Variants in BRI3BP observed in about 807,000 individuals in gnomAD.
BRI3BP encodes BRI3 binding protein, also known as BRI3-binding protein.
In BRI3BP, 7 loss-of-function variants were observed where a neutral mutation model predicts 15.8. The ratio of observed to expected loss-of-function variants is 0.44; its 90% CI spans 0.25 to 0.83. The LOEUF (loss-of-function observed/expected upper bound fraction) is 0.83, where lower values mean the gene tolerates loss of function less well. Among genes scored for constraint, BRI3BP ranks in the 40% least tolerant of loss-of-function variants. The pLI is 0.20. For missense variants in BRI3BP, 320 were observed against 339.3 expected, an observed-to-expected ratio of 0.94 and a Z score of 0.45; for synonymous variants, 192 against 163.5, an observed-to-expected ratio of 1.17 and a Z score of -1.33.
chr12:125,033,760 TG>T (rs1181206779), downstream of BRI3BP, among the ~76,000 whole-genome samples: 30 of 144,594 alleles, frequency 2.1e-4, 1 homozygote, highest in African/African-American at 7.8e-4. Flanking sequence ...TTTTTTTTTT[TG>T]AAACAGAGTC....
intron 1 of BRI3BP, among the ~76,000 whole-genome samples, chr12:125,009,037 G>T (rs1029955885): frequency 2.6e-5 from 4 of 151,570 alleles, no homozygotes; most frequent in African/African-American, 9.7e-5. Context: ...GTGCAATGGC[G>T]TGATCTTGAC....
intron 2 of BRI3BP, among the ~76,000 whole-genome samples, chr12:125,015,938 G>A (rs369767798): frequency 1.4e-5 from 2 of 141,882 alleles, no homozygotes; most frequent in African/African-American, 2.5e-5. Flanking sequence ...CCACCTGCCC[G>A]GATTGTCAAA....
chr12:125,025,414 G>A lies in BRI3BP; in HGVS notation c.740G>A (p.Arg247His). The A allele has an allele frequency of 4.4e-6, 7 of 1,595,258 alleles. 1 individual carries two copies. The South Asian group carries it at 4.4e-5, about 10-fold the overall frequency. ...RLNRVLESLDRSKDK is the reference protein window; with the variant it reads ...RLNRVLESLDHSKDK Reference sequence around the variant, plus strand: ...AACCGGGTGCTCGAGAGCCTGGACCGCTCCAAGGACAAGTGAAGGTCAGCC... The same window carrying A: ...AACCGGGTGCTCGAGAGCCTGGACCACTCCAAGGACAAGTGAAGGTCAGCC... Residue 247 changes from arginine (R) to histidine (H), a missense_variant, in exon 3 of 3, where the codon CGC becomes CAC. Transcript: ENST00000341446.
At chr12:125,002,135 C>CT (rs1287938497) in intron 1 of BRI3BP, among the ~76,000 whole-genome samples, 1 of 152,158 alleles carries the variant, frequency 6.6e-6, no homozygotes, top group African/African-American at 2.4e-5. Context: ...GTTTATGTCA[C>CT]TTTTTGTCTA....
intron 2 of BRI3BP, among the ~76,000 whole-genome samples, chr12:125,022,401 A>G (rs926596152): frequency 2.0e-5 from 3 of 152,186 alleles, no homozygotes; most frequent in African/African-American, 7.2e-5. Context: ...AATGGAGACT[A>G]AAGTGATGGC....
intron 2 of BRI3BP, among the ~76,000 whole-genome samples, chr12:125,017,323 A>AT (rs541571460): frequency 9.0e-5 from 5 of 55,282 alleles, no homozygotes; most frequent in Admixed American, 2.6e-4. Flanking sequence ...TGCCCCCCTA[A>AT]TGTTTTTTTT....
chr12:125,009,100 C>T (rs1334330867), intron 1 of BRI3BP, among the ~76,000 whole-genome samples: 1 of 151,654 alleles, frequency 6.6e-6, no homozygotes, highest in Non-Finnish European at 1.5e-5. Context: ...CTCAGTCTCT[C>T]CCAAGTAGCT....
downstream of BRI3BP, among the ~76,000 whole-genome samples, chr12:125,032,054 G>A (rs1361517373): frequency 2.0e-5 from 3 of 152,106 alleles, no homozygotes; most frequent in East Asian, 3.9e-4. Flanking sequence ...GAGCGGGGGC[G>A]GTGAGGCACT....
At chr12:125,003,253 C>G (rs114679705) in intron 1 of BRI3BP, among the ~76,000 whole-genome samples, 2 of 152,046 alleles carry the variant, frequency 1.3e-5, no homozygotes, top group South Asian at 4.1e-4. Flanking sequence ...TCACCCAACC[C>G]CGGTGTTGGA....
chr12:125,046,179 CA>C, the BRI3BP span, among the ~76,000 whole-genome samples: 8 of 151,094 alleles, frequency 5.3e-5, no homozygotes, highest in Non-Finnish European at 1.2e-4. Flanking sequence ...AAAAAAACCA[CA>C]AAAAAACTGA....
In BRI3BP at chr12:125,025,427, G is replaced by A; in HGVS notation, c.753G>A (p.Lys251=). Reference sequence around the variant, plus strand: ...AGAGCCTGGACCGCTCCAAGGACAAGTGAAGGTCAGCCGGCCGGGCGGGTC... The same window carrying A: ...AGAGCCTGGACCGCTCCAAGGACAAATGAAGGTCAGCCGGCCGGGCGGGTC... ...VLESLDRSKD[K] is the part of the protein sequence containing the mutation. The change falls in exon 3 of 3, where the codon AAG becomes AAA. Residue 251 remains lysine, a synonymous_variant. Transcript: ENST00000341446. 1.3e-6 allele frequency: 2 copies of A among 1,584,864 alleles called. No individual in the cohort carries two copies. The highest frequency in any genetic ancestry group is 1.1e-5 in the South Asian group (1 of 89,106).
rs142104387 is a variant in BRI3BP, at chr12:125,013,990, C to T, written c.316+1354C>T. Among the ~76,000 whole-genome samples, 11 of 152,294 alleles carry T rather than the reference C, an allele frequency of 7.2e-5. No homozygotes were observed. The South Asian group carries it at 1.2e-3, about 17-fold the overall frequency. Reference sequence around the variant, plus strand: ...CCCAGGTGGCTCTGCCCCACCTCCACCTGCATTCCATCGGTGGGTGACAGG... The same window carrying T: ...CCCAGGTGGCTCTGCCCCACCTCCATCTGCATTCCATCGGTGGGTGACAGG... On this transcript the variant is annotated intron_variant, in intron 2 of 2. Transcript: ENST00000341446.
the BRI3BP span, among the ~76,000 whole-genome samples, chr12:125,038,376 G>C: frequency 6.6e-6 from 1 of 152,094 alleles, no homozygotes; most frequent in African/African-American, 2.4e-5. Flanking sequence ...TAAAGCATCC[G>C]ATGTTTGACA....
the BRI3BP span, among the ~76,000 whole-genome samples, chr12:125,047,942 A>C: frequency 2.0e-5 from 3 of 148,198 alleles, no homozygotes; most frequent in Non-Finnish European, 1.5e-5. Flanking sequence ...GGTGAACTGC[A>C]CACCTCGGCC....
chr12:125,019,518 G>A (rs1406621145), intron 2 of BRI3BP, among the ~76,000 whole-genome samples: 1 of 151,994 alleles, frequency 6.6e-6, no homozygotes, highest in Non-Finnish European at 1.5e-5. Context: ...ACATGTCTCT[G>A]AGGTCAGGGA....
At chr12:125,049,235 A>G in the BRI3BP span, among the ~76,000 whole-genome samples, 1 of 152,076 alleles carries the variant, frequency 6.6e-6, no homozygotes, top group Admixed American at 6.6e-5. Context: ...GCCCAGATTT[A>G]ACTCAGACCA....
chr12:125,009,144 A>AT (rs974287672), intron 1 of BRI3BP, among the ~76,000 whole-genome samples: 20 of 150,536 alleles, frequency 1.3e-4, no homozygotes, highest in African/African-American at 4.7e-4. Flanking sequence ...CACTCAGCTA[A>AT]TTTTTTTTGT....
intron 1 of BRI3BP, among the ~76,000 whole-genome samples, chr12:124,999,619 A>G (rs574483419): frequency 4.5e-5 from 6 of 132,190 alleles, no homozygotes; most frequent in Non-Finnish European, 9.8e-5. Flanking sequence ...TTATTTATTT[A>G]TTTATTTATT....
intron 1 of BRI3BP, among the ~76,000 whole-genome samples, chr12:125,007,173 T>C (rs1384290302): frequency 2.0e-5 from 3 of 151,922 alleles, no homozygotes; most frequent in Non-Finnish European, 2.9e-5. Flanking sequence ...TACTCTAGCC[T>C]GGGTGACAGA....
Sources: gnomAD v4.1 joint callset for allele counts (sites outside exome capture counted in the v4.1 genomes callset) on GRCh38, gnomAD v4.1.1 for gene constraint, MANE v1.5 for transcripts, NCBI Gene and HGNC (gene_info 2026-07-23, HGNC 2026-07-21) for gene names.